Variants in UQCRC1 observed in about 807,000 individuals in gnomAD.
UQCRC1 encodes the protein cytochrome b-c1 complex subunit 1, mitochondrial.
Under a neutral mutation model 58.0 loss-of-function variants are expected in UQCRC1, and 34 were observed. That is an observed-to-expected ratio of 0.59 (90% CI 0.45 to 0.78). The LOEUF (loss-of-function observed/expected upper bound fraction) is 0.78, where lower values mean the gene tolerates loss of function less well. Ranked by LOEUF, UQCRC1 falls within the 30% of genes least tolerant of loss-of-function variation. The pLI is 0.00. For missense variants in UQCRC1, 610 were observed against 646.0 expected (o/e 0.94, Z 0.60); for synonymous variants, 276 against 248.8 (o/e 1.11, Z -1.03).
intron 12 of UQCRC1, 66 bp downstream of exon 12, chr3:48,599,569 T>C: frequency 6.4e-7 from 1 of 1,561,268 alleles, no homozygotes; most frequent in Non-Finnish European, 8.8e-7. Context: ...GGAGCAGAGG[T>C]GGAAGGGGAG....
chr3:48,609,088 G>A, intron 2 of UQCRC1, 74 bp downstream of exon 2: 1 of 1,537,056 alleles, frequency 6.5e-7, no homozygotes, highest in Non-Finnish European at 8.8e-7. Flanking sequence ...TCGAGCCCAA[G>A]GTCACACCCC....
chr3:48,599,135 C>T lies in UQCRC1; in HGVS notation c.1436G>A (p.Arg479His), dbSNP rs762451237. The T allele has an allele frequency of 1.4e-5, 22 of 1,611,810 alleles. No individual in the cohort carries two copies. The highest frequency in any genetic ancestry group is 3.3e-5 in the South Asian group (3 of 90,862). ...CTTACATAGGCTTCCCGCCTAGAAG[C>T]GCAGCCAGAACATGCCGCTACGGAT... ...NRIRSGMFWLRF is the reference protein window; with the variant it reads ...NRIRSGMFWLHF The change falls in exon 13 of 13, where the codon CGC (arginine) becomes CAC (histidine). Residue 479 changes from arginine to histidine, a missense_variant. By Grantham distance (29) the Arg-to-His change is conservative. Transcript: ENST00000203407.
chr3:48,602,114 A>G (rs895892755), intron 6 of UQCRC1, among the ~76,000 whole-genome samples: 3 of 150,152 alleles, frequency 2.0e-5, no homozygotes, highest in African/African-American at 4.9e-5. Flanking sequence ...ACAGTGGTGC[A>G]ATCTCAGCTA....
intron 6 of UQCRC1, 97 bp downstream of exon 6, chr3:48,603,461 TCCCCTG>T: frequency 8.8e-7 from 1 of 1,131,136 alleles, no homozygotes; most frequent in South Asian, 1.3e-5. Context: ...GGGAGCAGAG[TCCCCTG>T]GGGTGAAAGG....
rs753780710 is a variant in UQCRC1 at position 48,609,199 on chromosome 3, C to T, written c.173G>A (p.Arg58His). The T allele has an allele frequency of 1.2e-6, 2 of 1,612,804 alleles. No homozygotes were observed. Among genetic ancestry groups the T allele is most frequent in the African/African-American group, 1.3e-5 (1 of 75,056 alleles). ...CTGAGAGGACTGCTCGGAGGCCACA[C>T]GCAGGCCGTTGTCCAGCAGGCTAAC... Reference protein sequence around the residue: ...TQVSLLDNGLRVASEQSSQPT... With the variant: ...TQVSLLDNGLHVASEQSSQPT... Residue 58 changes from arginine (R) to histidine (H), a missense_variant, in exon 2 of 13, where the codon CGT becomes CAT. Transcript: ENST00000203407.
chr3:48,609,505 T>C, intron 1 of UQCRC1, 47 bp downstream of exon 1: 1 of 1,539,926 alleles, frequency 6.5e-7, no homozygotes, highest in Non-Finnish European at 8.7e-7. Context: ...ACCTGTCCGC[T>C]TCCCGAAGCC....
chr3:48,605,742 C>T, intron 3 of UQCRC1, 28 bp downstream of exon 3: 1 of 1,609,816 alleles, frequency 6.2e-7, no homozygotes, highest in Non-Finnish European at 8.5e-7. Context: ...GCCCTAAGCC[C>T]AGAGGAGACA....
chr3:48,600,880 T>C (rs779757018), intron 8 of UQCRC1, 40 bp from the exon 9 acceptor site: 11 of 1,612,906 alleles, frequency 6.8e-6, no homozygotes, highest in Admixed American at 1.7e-5. Context: ...CCCTCTTGTC[T>C]TCAACGCACA....
At chr3:48,603,472 G>T in intron 6 of UQCRC1, 92 bp downstream of exon 6, 1 of 1,310,572 alleles carries the variant, frequency 7.6e-7, no homozygotes. Context: ...CCCCTGGGGT[G>T]AAAGGTCCCC....
rs76597125 is a variant in UQCRC1, at chr3:48,601,887, G to C, written c.707-420C>G. 8.1e-3 allele frequency among the ~76,000 whole-genome samples: 1,239 copies of C among 152,250 alleles called. 36 individuals carry two copies. Among genetic ancestry groups the C allele is most frequent in the Admixed American group, 0.063 (967 of 15,300 alleles). ...TGGCCCTGCAGGGGGTGGCAAGTGAGGGGGCAGAAAGAGGAGCTATTACAG... is the reference window on the plus strand; with the variant it reads ...TGGCCCTGCAGGGGGTGGCAAGTGACGGGGCAGAAAGAGGAGCTATTACAG... On this transcript the variant is annotated intron_variant, in intron 6 of 12. Transcript: ENST00000203407.
rs749075737 is a variant in UQCRC1, at chr3:48,604,308, A to C, written c.551T>G (p.Phe184Cys). 1 of 1,613,862 alleles carries C rather than the reference A, an allele frequency of 6.2e-7. No individual in the cohort carries two copies. ...GAATGCTGTGGCATGCAGGTAGTTA[A>C]AGACCACATCTCGCATAGATGCATC... is the stretch of plus-strand genomic sequence containing the variant. Reference protein sequence around the residue: ...ENDASMRDVVFNYLHATAFQG... With the variant: ...ENDASMRDVVCNYLHATAFQG... The change falls in exon 5 of 13, where the codon TTT becomes TGT. Residue 184 changes from phenylalanine to cysteine, a missense_variant. Phe to Cys is a radical substitution (Grantham distance 205). Transcript: ENST00000203407.
rs570982882 is a variant in UQCRC1, at chr3:48,599,622, C to G, written c.1378+13G>C. On this transcript the variant is annotated intron_variant, in intron 12 of 12. Coordinates refer to ENST00000203407, the MANE Select transcript of UQCRC1 (RefSeq NM_003365.3). ...AGGAAATAAACAAAGAGCAGACCCC[C>G]TAGGCCACTTACCATATCCAGCCAC... is the stretch of plus-strand genomic sequence containing the variant. The G allele has an allele frequency of 8.7e-6, 14 of 1,613,638 alleles. No individual in the cohort carries two copies. In the Admixed American group the frequency reaches 1.8e-4, roughly 21 times the overall value.
At chr3:48,609,098 C>T (rs2046438959) in intron 2 of UQCRC1, 64 bp downstream of exon 2, 6 of 1,555,650 alleles carry the variant, frequency 3.9e-6, no homozygotes, top group Middle Eastern at 1.7e-4. Context: ...GGTCACACCC[C>T]AACCAGGGAA....
intron 2 of UQCRC1, among the ~76,000 whole-genome samples, chr3:48,606,887 G>A (rs1002746804): frequency 6.6e-6 from 1 of 150,594 alleles, no homozygotes; most frequent in African/African-American, 2.4e-5. Flanking sequence ...TTTTGACATG[G>A]AGTCTCACTC....
rs755492632 is a variant in UQCRC1 at position 48,604,368 on chromosome 3, T to C, written c.491A>G (p.Glu164Gly). Residue 164 changes from glutamate to glycine, a missense_variant, in exon 5 of 13, where the codon GAA becomes GGA. Transcript: ENST00000203407. ...CSLEDSQIEK[E>G]RDVILREMQE... ...CATCTCCCGCAGGATCACATCACGT[T>C]CCTTCTCAATCTGTGAGTCTTCCAG... The C allele has an allele frequency of 3.7e-6, 6 of 1,614,206 alleles. No homozygotes were observed. The South Asian group carries it at 6.6e-5, about 18-fold the overall frequency.
chr3:48,601,390 C>A lies in UQCRC1; in HGVS notation c.784G>T (p.Val262Leu). 1 of 1,614,192 alleles carries A rather than the reference C, an allele frequency of 6.2e-7. No individual in the cohort carries two copies. Among genetic ancestry groups the A allele is most frequent in the South Asian group, 1.1e-5 (1 of 91,084 alleles). ...AAGCGGCATGGAGTAAGAGTGGGCA[C>A]AGCGTCCTCTGCATATGTCCATGGG... Reference protein sequence around the residue: ...GIPWTYAEDAVPTLTPCRFTG... With the variant: ...GIPWTYAEDALPTLTPCRFTG... Residue 262 changes from valine to leucine, a missense_variant, in exon 7 of 13, where the codon GTG becomes TTG. Coordinates refer to ENST00000203407, the MANE Select transcript of UQCRC1 (RefSeq NM_003365.3).
rs1160950948 is a variant in UQCRC1 at position 48,603,587 on chromosome 3, C to G, written c.683G>C (p.Arg228Pro). The G allele has an allele frequency of 1.2e-6, 2 of 1,613,898 alleles. No homozygotes were observed. Among genetic ancestry groups the G allele is most frequent in the Non-Finnish European group, 1.7e-6 (2 of 1,179,968 alleles). ...ACCTCCAGCTGCTGCCAGCACCATT[C>G]GAGGGGCCTTGTAATGTGTGCTGAG... Reference protein sequence around the residue: ...EYLSTHYKAPRMVLAAAGGVE... With the variant: ...EYLSTHYKAPPMVLAAAGGVE... Residue 228 changes from arginine (R) to proline (P), a missense_variant, in exon 6 of 13, where the codon CGA becomes CCA. Coordinates refer to ENST00000203407, the MANE Select transcript of UQCRC1 (RefSeq NM_003365.3).
At chr3:48,599,818 TC>T (rs1575511490) in intron 11 of UQCRC1, 108 bp from the exon 12 acceptor site, 2 of 1,262,484 alleles carry the variant, frequency 1.6e-6, no homozygotes, top group Non-Finnish European at 2.3e-6. Context: ...CATGCAGCTG[TC>T]CCCAGCCCAA....
intron 6 of UQCRC1, among the ~76,000 whole-genome samples, chr3:48,602,713 G>A (rs1243404952): frequency 6.6e-6 from 1 of 151,724 alleles, no homozygotes; most frequent in Non-Finnish European, 1.5e-5. Context: ...ACCAGAGACG[G>A]GGTTTTGTCA....
Sources: gnomAD v4.1 joint callset for allele counts (sites outside exome capture counted in the v4.1 genomes callset) on GRCh38, gnomAD v4.1.1 for gene constraint, MANE v1.5 for transcripts, NCBI Gene and HGNC (gene_info 2026-07-23, HGNC 2026-07-21) for gene names.